The following KCNK2 variants were observed in gnomAD, a reference collection of about 807,000 sequenced individuals.
KCNK2 encodes the protein potassium two pore domain channel subfamily K member 2.
In KCNK2, 21 loss-of-function variants were observed where a neutral mutation model predicts 40.5. The observed-to-expected ratio is 0.52, with a 90% CI of 0.37 to 0.75. The LOEUF (loss-of-function observed/expected upper bound fraction) is 0.75, where lower values mean the gene tolerates loss of function less well. Ranked by LOEUF, KCNK2 falls within the 30% of genes least tolerant of loss-of-function variation. The pLI is 0.00. For synonymous variants in KCNK2, 191 were observed against 202.2 expected (o/e 0.94, Z 0.47); for missense variants, 399 against 531.6 (o/e 0.75, Z 2.45).
intron 1 of KCNK2, among the ~76,000 whole-genome samples, chr1:215,036,201 G>T (rs1482681417): frequency 1.3e-5 from 2 of 150,332 alleles, no homozygotes; most frequent in Admixed American, 1.3e-4. Flanking sequence ...CCCTCAAATT[G>T]ATTTTTTTGA....
chr1:215,230,983 C>G (rs1045528841), intron 6 of KCNK2, among the ~76,000 whole-genome samples: 2 of 152,124 alleles, frequency 1.3e-5, no homozygotes, highest in African/African-American at 4.8e-5. Flanking sequence ...TTGCATTCAG[C>G]CTTTTCCTAA....
intron 1 of KCNK2, among the ~76,000 whole-genome samples, chr1:215,050,222 A>T (rs1657934611): frequency 6.6e-6 from 1 of 152,170 alleles, no homozygotes; most frequent in Admixed American, 6.6e-5. Flanking sequence ...GTTAAGGCAT[A>T]TCTAAGTATC....
intron 3 of KCNK2, among the ~76,000 whole-genome samples, chr1:215,137,874 A>G (rs764369270): frequency 5.3e-5 from 8 of 152,160 alleles, no homozygotes; most frequent in African/African-American, 1.9e-4. Context: ...TTTGTGACTC[A>G]ATTTTTATGA....
chr1:215,013,520 T>A (rs1203176940), intron 1 of KCNK2, among the ~76,000 whole-genome samples: 2 of 152,166 alleles, frequency 1.3e-5, no homozygotes, highest in African/African-American at 2.4e-5. Flanking sequence ...TTGGAAAAAA[T>A]TGATATCTAA....
At chr1:215,126,037 T>C (rs1015254794) in intron 3 of KCNK2, among the ~76,000 whole-genome samples, 5 of 152,002 alleles carry the variant, frequency 3.3e-5, no homozygotes, top group Non-Finnish European at 7.4e-5. Flanking sequence ...ATGGGATAAA[T>C]TGAGACCCTA....
intron 5 of KCNK2, among the ~76,000 whole-genome samples, chr1:215,190,842 C>T (rs76640852): frequency 0.023 from 3,549 of 152,256 alleles, 117 homozygotes; most frequent in African/African-American, 0.079. Context: ...GGAATGATTT[C>T]GTTCATGGAG....
intron 1 of KCNK2, among the ~76,000 whole-genome samples, chr1:215,030,327 A>G (rs1657140351): frequency 6.6e-6 from 1 of 152,042 alleles, no homozygotes; most frequent in South Asian, 2.1e-4. Flanking sequence ...TTCCATTGCA[A>G]ATATTTTCTC....
At chr1:215,152,939 G>T (rs1662745732) in intron 3 of KCNK2, among the ~76,000 whole-genome samples, 1 of 152,118 alleles carries the variant, frequency 6.6e-6, no homozygotes. Context: ...GTCAATAAAT[G>T]TAACAATAAA....
chr1:215,132,054 A>G (rs1284342954), intron 3 of KCNK2, among the ~76,000 whole-genome samples: 1 of 152,370 alleles, frequency 6.6e-6, no homozygotes, highest in East Asian at 1.9e-4. Flanking sequence ...AAAAGTTTGC[A>G]GTAATTTTAA....
chr1:215,044,806 T>C (rs1203211580), intron 1 of KCNK2, among the ~76,000 whole-genome samples: 1 of 50,248 alleles, frequency 2.0e-5, no homozygotes, highest in Non-Finnish European at 5.1e-5. Context: ...TGTGTGTGTG[T>C]GTGTGTGTGT....
At chr1:215,029,627 G>T (rs571140079) in intron 1 of KCNK2, among the ~76,000 whole-genome samples, 2 of 144,776 alleles carry the variant, frequency 1.4e-5, no homozygotes, top group African/African-American at 2.5e-5. Context: ...TTTAATATAT[G>T]AATATAAATA....
At chr1:215,024,975 A>G (rs1558060679) in intron 1 of KCNK2, among the ~76,000 whole-genome samples, 2 of 150,112 alleles carry the variant, frequency 1.3e-5, no homozygotes, top group Non-Finnish European at 1.5e-5. Flanking sequence ...TAACTGAGAT[A>G]AAACAGTGTT....
chr1:215,093,632 A>G (rs1194064114), intron 2 of KCNK2, among the ~76,000 whole-genome samples: 10 of 102,544 alleles, frequency 9.8e-5, no homozygotes, highest in African/African-American at 4.1e-4. Flanking sequence ...TATAGAATAT[A>G]TATACAATAT....
intron 1 of KCNK2, among the ~76,000 whole-genome samples, chr1:215,085,153 A>T (rs543248751): frequency 7.9e-5 from 12 of 152,300 alleles, no homozygotes; most frequent in African/African-American, 2.9e-4. Context: ...GATTTCTTAT[A>T]TACTTACCTG....
intron 5 of KCNK2, among the ~76,000 whole-genome samples, chr1:215,181,349 C>G (rs1158795475): frequency 1.3e-5 from 2 of 152,080 alleles, no homozygotes; most frequent in Non-Finnish European, 2.9e-5. Context: ...CTTTATCTGT[C>G]ATTTCTGAGT....
intron 1 of KCNK2, among the ~76,000 whole-genome samples, chr1:215,053,785 G>A (rs1278879858): frequency 6.6e-6 from 1 of 152,176 alleles, no homozygotes; most frequent in Non-Finnish European, 1.5e-5. Context: ...TGGCCAACAT[G>A]GCAAAACCCT....
At chr1:215,157,783 A>G (rs1662997818) in intron 3 of KCNK2, among the ~76,000 whole-genome samples, 1 of 152,226 alleles carries the variant, frequency 6.6e-6, no homozygotes, top group Non-Finnish European at 1.5e-5. Flanking sequence ...GTCAATGGAC[A>G]TCTTTCATTT....
At chr1:215,063,161 A>C (rs1004148766) in intron 1 of KCNK2, among the ~76,000 whole-genome samples, 28 of 152,184 alleles carry the variant, frequency 1.8e-4, no homozygotes, top group Non-Finnish European at 7.4e-5. Flanking sequence ...AATAAACAAT[A>C]ATAAAGCTGG....
chr1:215,010,860 T>TGTGTGTG (rs1553254938), intron 1 of KCNK2, among the ~76,000 whole-genome samples: 79 of 116,060 alleles, frequency 6.8e-4, no homozygotes, highest in African/African-American at 2.6e-3. Flanking sequence ...GATTTTTTTT[T>TGTGTGTG]TTTTTTTTTG....
Sources: allele counts gnomAD v4.1 joint callset (sites outside exome capture counted in the v4.1 genomes callset), GRCh38; gene constraint gnomAD v4.1.1; transcripts MANE v1.5; gene names NCBI Gene and HGNC (gene_info 2026-07-23, HGNC 2026-07-21).